MTG1: variants seen among roughly 807,000 people sequenced by gnomAD.
The protein encoded by MTG1 is mitochondrial ribosome-associated GTPase 1.
Under a neutral mutation model 39.5 loss-of-function variants are expected in MTG1, and 30 were observed. That is an observed-to-expected ratio of 0.76 (90% CI 0.57 to 1.03). MTG1 has a LOEUF of 1.03. Among genes scored for constraint, MTG1 ranks in the 50% least tolerant of loss-of-function variants. The pLI, the probability that MTG1 is intolerant of heterozygous loss-of-function variation, is 0.00. For synonymous variants in MTG1, 217 were observed against 179.0 expected (o/e 1.21, Z -1.69); for missense variants, 513 against 447.4 (o/e 1.15, Z -1.32).
Position 133,398,572 on chromosome 10 carries a change from A to G in MTG1, c.363+57A>G, listed in dbSNP as rs565096600. 1.7e-5 allele frequency: 26 copies of G among 1,548,154 alleles called. 1 individual carries two copies. The highest frequency in any genetic ancestry group is 1.7e-4 in the Middle Eastern group (1 of 5,788). ...TTCTGCTTCAGTAGGTTCGAGGAGC[A>G]TTATAAACTGTTTTATGCTTTAGTA... On this transcript the variant is annotated intron_variant, in intron 4 of 10. Transcript: ENST00000317502.
At chr10:133,407,125 T>C (rs139039217) in intron 9 of MTG1, among the ~76,000 whole-genome samples, 1 of 152,280 alleles carries the variant, frequency 6.6e-6, no homozygotes, top group African/African-American at 2.4e-5. Flanking sequence ...TGTGGATGTA[T>C]TTCTGGGTTC....
chr10:133,414,634 C>G (rs1211190628), intron 9 of MTG1, among the ~76,000 whole-genome samples: 5 of 151,988 alleles, frequency 3.3e-5, no homozygotes, highest in Admixed American at 1.3e-4. Context: ...GCGCTCATCA[C>G]TTCCCAGACT....
chr10:133,412,198 T>G (rs1048806028), intron 9 of MTG1, among the ~76,000 whole-genome samples: 16 of 152,162 alleles, frequency 1.1e-4, no homozygotes, highest in African/African-American at 3.9e-4. Context: ...CACTGGATGT[T>G]TGGTTTTGGT....
chr10:133,411,552 G>T (rs973935640), intron 9 of MTG1, among the ~76,000 whole-genome samples: 1 of 152,030 alleles, frequency 6.6e-6, no homozygotes, highest in Non-Finnish European at 1.5e-5. Context: ...CCTCTTGCTC[G>T]GTTCCTTCTT....
chr10:133,405,586 G>A (rs975175950), intron 9 of MTG1, among the ~76,000 whole-genome samples: 2 of 152,180 alleles, frequency 1.3e-5, no homozygotes, highest in Non-Finnish European at 2.9e-5. Flanking sequence ...GTTAGAACAT[G>A]CATTATTTGT....
chr10:133,397,679 T>C (rs183960688), intron 3 of MTG1, among the ~76,000 whole-genome samples: 13,200 of 151,882 alleles, frequency 0.087, 619 homozygotes, highest in Middle Eastern at 0.17. Flanking sequence ...GGGGTTTCAC[T>C]GTGTTAGCCA....
chr10:133,416,008 G>T (rs951595949), intron 9 of MTG1, among the ~76,000 whole-genome samples: 1 of 137,542 alleles, frequency 7.3e-6, no homozygotes, highest in Non-Finnish European at 1.5e-5. Flanking sequence ...GGGCAGGCGG[G>T]TGTCGGGCAC....
chr10:133,411,506 C>G (rs1466448618), intron 9 of MTG1, among the ~76,000 whole-genome samples: 1 of 152,188 alleles, frequency 6.6e-6, no homozygotes, highest in East Asian at 1.9e-4. Flanking sequence ...GAAAATTTTT[C>G]TGTAATTATT....
rs1002191947 is a variant in MTG1 at position 133,402,780 on chromosome 10, G to C, written c.752+7G>C. The C allele has an allele frequency of 1.1e-5, 17 of 1,591,988 alleles. No homozygotes were observed. The highest frequency in any genetic ancestry group is 1.4e-5 in the Non-Finnish European group (16 of 1,169,092). The stretch of plus-strand genomic sequence containing the variant: ...ACAAACACCAGCGCTTTGGGTGAGT[G>C]CAGTGAATGCAGGGCAGCTGGGGCC... On this transcript the variant is annotated splice_region_variant and intron_variant, in intron 9 of 10. Transcript: ENST00000317502. This position sits in a 1 kb window ranked among gnomAD's most constrained non-coding sequence, Gnocchi z 4.7.
intron 9 of MTG1, among the ~76,000 whole-genome samples, chr10:133,415,954 AGGCACGCGGGTGTCGGGCAGGCGGGTGTC>A (rs1214057879): frequency 9.2e-4 from 78 of 84,796 alleles, no homozygotes; most frequent in African/African-American, 2.3e-3. Context: ...CGCAGTTATC[AGGCACGCGGGTGTCGGGCAGGCGGGTGTC>A]GGCACGCGGG....
chr10:133,399,405 G>A (rs554580519), intron 5 of MTG1, 124 bp from the exon 6 acceptor site: 5 of 1,191,380 alleles, frequency 4.2e-6, no homozygotes, highest in East Asian at 2.4e-5. Flanking sequence ...GCAGAGCCTC[G>A]GCGTTAACCT....
Position 133,395,841 on chromosome 10 carries a change from T to TG in MTG1, c.177+68dup. ...AGTCATATTACACATTAGAATTACC[T>TG]GGGGAGGCTTTTAAAAATATGAATT... On this transcript the variant is annotated intron_variant, in intron 2 of 10. Coordinates refer to ENST00000317502, the MANE Select transcript of MTG1 (RefSeq NM_138384.4). 5.9e-6 allele frequency: 9 copies of TG among 1,527,186 alleles called. No individual in the cohort carries two copies. In the South Asian group the frequency reaches 1.0e-4, roughly 17 times the overall value. 94.6% of individuals were successfully genotyped at this position (1,527,186 alleles called of 1,614,324 possible).
chr10:133,403,430 C>T (rs568162903), intron 9 of MTG1, among the ~76,000 whole-genome samples: 3 of 152,210 alleles, frequency 2.0e-5, no homozygotes, highest in East Asian at 1.9e-4. Flanking sequence ...TGTGCTCCTT[C>T]GTGATCACAC....
At chr10:133,399,271 G>C in intron 5 of MTG1, 45 bp downstream of exon 5, 1 of 1,603,276 alleles carries the variant, frequency 6.2e-7, no homozygotes, top group Non-Finnish European at 8.5e-7. Flanking sequence ...GCGGGCGTGG[G>C]ATGGGCCAGC....
At chr10:133,406,178 A>G (rs1849967923) in intron 9 of MTG1, among the ~76,000 whole-genome samples, 1 of 152,126 alleles carries the variant, frequency 6.6e-6, no homozygotes, top group South Asian at 2.1e-4. Context: ...ATTTTTAAAT[A>G]GTTATGTGGT....
At position 133,421,116 on chromosome 10, in the gene MTG1, A is replaced by C. The variant is rs1461010030; in HGVS notation, c.*951A>C. On this transcript the variant is annotated 3_prime_UTR_variant, in exon 11 of 11. Transcript: ENST00000317502. ...GGTGGTGGCCTGACCGTCCCACAGC[A>C]GCCTCCACCAGGGCCCTGGTGCTCA... 1 of 152,436 alleles carries C rather than the reference A, an allele frequency of 6.6e-6. No homozygotes were observed. The highest frequency in any genetic ancestry group is 1.5e-5 in the Non-Finnish European group (1 of 68,234). 9.4% of individuals were successfully genotyped at this position (152,436 alleles called of 1,614,324 possible).
chr10:133,410,563 T>C (rs1410703524), intron 9 of MTG1, among the ~76,000 whole-genome samples: 1 of 152,252 alleles, frequency 6.6e-6, no homozygotes, highest in Non-Finnish European at 1.5e-5. Flanking sequence ...ATGTATTATA[T>C]GTAGTGTACC....
chr10:133,395,914 C>A, intron 2 of MTG1, 137 bp downstream of exon 2: 1 of 918,962 alleles, frequency 1.1e-6, no homozygotes, highest in Non-Finnish European at 1.7e-6. Context: ...GATGTGGGGT[C>A]CAGACTGCGT....
At chr10:133,415,544 C>G (rs1309167794) in intron 9 of MTG1, among the ~76,000 whole-genome samples, 2 of 152,194 alleles carry the variant, frequency 1.3e-5, no homozygotes, top group East Asian at 3.9e-4. Flanking sequence ...TGTTTTAGTG[C>G]TTGAGAGGGG....
Sources: gnomAD v4.1 joint callset for allele counts (sites outside exome capture counted in the v4.1 genomes callset) on GRCh38, gnomAD v4.1.1 for gene constraint, Gnocchi (gnomAD v3.1) non-coding constraint, MANE v1.5 for transcripts, NCBI Gene and HGNC (gene_info 2026-07-23, HGNC 2026-07-21) for gene names.